The following ERG variants were observed in gnomAD, a reference collection of about 807,000 sequenced individuals.
ERG encodes transcriptional regulator ERG.
Under a neutral mutation model 55.3 loss-of-function variants are expected in ERG, and 9 were observed. The ratio of observed to expected loss-of-function variants is 0.16; its 90% CI spans 0.10 to 0.28. ERG has a LOEUF of 0.28. Ranked by LOEUF, ERG falls within the 10% of genes least tolerant of loss-of-function variation. ERG has a pLI of 1.00. For missense variants in ERG, 434 were observed against 631.6 expected (o/e 0.69, Z 3.35); for synonymous variants, 223 against 237.3 (o/e 0.94, Z 0.55).
intron 2 of ERG, among the ~76,000 whole-genome samples, chr21:38,507,615 T>C (rs998841310): frequency 5.3e-5 from 8 of 152,112 alleles, no homozygotes; most frequent in African/African-American, 1.9e-4. Flanking sequence ...GCTGTGTCAG[T>C]GGCTAGTCCA....
chr21:38,405,245 C>T (rs1193084905), intron 3 of ERG, among the ~76,000 whole-genome samples: 2 of 152,088 alleles, frequency 1.3e-5, no homozygotes, highest in Admixed American at 6.5e-5. Context: ...TTAACATAAA[C>T]GATATATGAT....
chr21:38,594,186 T>C (rs1259104200), intron 1 of ERG, among the ~76,000 whole-genome samples: 1 of 152,230 alleles, frequency 6.6e-6, no homozygotes, highest in Non-Finnish European at 1.5e-5. Context: ...TGAAACCAGC[T>C]TTTCCATTTC....
At chr21:38,575,319 C>T (rs942344209) in intron 2 of ERG, among the ~76,000 whole-genome samples, 4 of 152,102 alleles carry the variant, frequency 2.6e-5, no homozygotes, top group African/African-American at 9.7e-5. Flanking sequence ...AAGGTCCAGA[C>T]AGTAAATATT....
At chr21:38,471,120 A>C (rs977424089) in intron 1 of ERG, 1 of 152,240 alleles carries the variant, frequency 6.6e-6, no homozygotes, top group Non-Finnish European at 1.5e-5. Flanking sequence ...ATGAAGACGA[A>C]AATTGGACTA....
intron 2 of ERG, among the ~76,000 whole-genome samples, chr21:38,513,362 G>T (rs138195338): frequency 6.6e-6 from 1 of 152,160 alleles, no homozygotes; most frequent in African/African-American, 2.4e-5. Flanking sequence ...TATTCAGATT[G>T]TAGGGGAAAT....
At chr21:38,594,492 G>A (rs1440771278) in intron 1 of ERG, among the ~76,000 whole-genome samples, 1 of 152,058 alleles carries the variant, frequency 6.6e-6, no homozygotes, top group Non-Finnish European at 1.5e-5. Context: ...CAGAGCTGTG[G>A]ACGGGGCCAT....
At chr21:38,629,217 TTC>T (rs2060343094) in intron 1 of ERG, among the ~76,000 whole-genome samples, 1 of 152,140 alleles carries the variant, frequency 6.6e-6, no homozygotes, top group African/African-American at 2.4e-5. Flanking sequence ...CCCTGGTTCT[TTC>T]TCCAGGGAAG....
intron 1 of ERG, among the ~76,000 whole-genome samples, chr21:38,469,875 A>T (rs192344013): frequency 6.6e-6 from 1 of 152,308 alleles, no homozygotes; most frequent in East Asian, 1.9e-4. Context: ...TGCATAAATT[A>T]TGGGTATTAA....
At chr21:38,526,243 G>A (rs973227409) in intron 2 of ERG, among the ~76,000 whole-genome samples, 8 of 152,140 alleles carry the variant, frequency 5.3e-5, no homozygotes, top group African/African-American at 1.4e-4. Context: ...TTAGAAACAG[G>A]AACTCAAATC....
chr21:38,658,401 T>C (rs2060532132), intron 1 of ERG, among the ~76,000 whole-genome samples: 1 of 152,210 alleles, frequency 6.6e-6, no homozygotes, highest in Admixed American at 6.5e-5. Context: ...ATTTATTCAC[T>C]ATGACAATGT....
intron 1 of ERG, among the ~76,000 whole-genome samples, chr21:38,452,821 A>C (rs2058953927): frequency 1.3e-5 from 2 of 152,232 alleles, no homozygotes; most frequent in Admixed American, 6.5e-5. Context: ...GGCTGGTGCC[A>C]GCAATTCTCT....
intron 2 of ERG, among the ~76,000 whole-genome samples, chr21:38,435,388 C>G (rs540427964): frequency 1.3e-5 from 2 of 152,248 alleles, no homozygotes; most frequent in East Asian, 3.9e-4. Flanking sequence ...GAATCAGAGG[C>G]AGTGGAAAAG....
chr21:38,433,684 A>G (rs1308155731), intron 2 of ERG, among the ~76,000 whole-genome samples: 1 of 152,118 alleles, frequency 6.6e-6, no homozygotes, highest in Non-Finnish European at 1.5e-5. Context: ...TTTATCCAAG[A>G]ACGGCACTGA....
intron 9 of ERG, among the ~76,000 whole-genome samples, chr21:38,389,211 C>T (rs1022386671): frequency 6.6e-6 from 1 of 152,138 alleles, no homozygotes; most frequent in African/African-American, 2.4e-5. Flanking sequence ...GTAGACTTTG[C>T]AGACAGAGTC....
chr21:38,410,991 T>C (rs1376721452), intron 3 of ERG, among the ~76,000 whole-genome samples: 1 of 152,214 alleles, frequency 6.6e-6, no homozygotes, highest in African/African-American at 2.4e-5. Context: ...TGTTTGTTTA[T>C]AAATCCAGGC....
intron 5 of ERG, among the ~76,000 whole-genome samples, chr21:38,401,538 A>G (rs1216680384): frequency 1.3e-5 from 2 of 152,232 alleles, no homozygotes; most frequent in East Asian, 3.8e-4. Flanking sequence ...TCATTGTAAT[A>G]CTCAAACCGG....
intron 1 of ERG, among the ~76,000 whole-genome samples, chr21:38,476,727 C>T (rs1270560075): frequency 6.6e-5 from 10 of 152,136 alleles, no homozygotes; most frequent in Admixed American, 6.5e-4. Flanking sequence ...GACTAAACAA[C>T]CAGATTTGAA....
chr21:38,456,412 A>G (rs769901595), intron 1 of ERG, among the ~76,000 whole-genome samples: 4 of 152,220 alleles, frequency 2.6e-5, no homozygotes, highest in Admixed American at 2.0e-4. Context: ...TTCTACACAT[A>G]AAGCACTTCA....
At chr21:38,570,847 T>C (rs1412788935) in intron 2 of ERG, among the ~76,000 whole-genome samples, 2 of 152,170 alleles carry the variant, frequency 1.3e-5, no homozygotes, top group East Asian at 1.9e-4. Context: ...AATATACAGA[T>C]GGTTCCCCTC....
Sources: allele counts gnomAD v4.1 joint callset (sites outside exome capture counted in the v4.1 genomes callset), GRCh38; gene constraint gnomAD v4.1.1; transcripts MANE v1.5; gene names NCBI Gene and HGNC (gene_info 2026-07-23, HGNC 2026-07-21).